The following MTMR3 variants were observed in gnomAD, a reference collection of about 807,000 sequenced individuals.
MTMR3 encodes the protein phosphatidylinositol-3,5-bisphosphate 3-phosphatase MTMR3.
A neutral mutation model predicts 132.4 loss-of-function variants in MTMR3; 32 were observed. The ratio of observed to expected loss-of-function variants is 0.24; its 90% CI spans 0.18 to 0.32. The LOEUF (loss-of-function observed/expected upper bound fraction) is 0.32, where lower values mean the gene tolerates loss of function less well. Ranked by LOEUF, MTMR3 falls within the 10% of genes least tolerant of loss-of-function variation. The probability of loss-of-function intolerance (pLI) is 1.00; values close to 1 mark genes in which losing one functional copy is unlikely to be tolerated. For synonymous variants in MTMR3, 556 were observed against 550.3 expected, an observed-to-expected ratio of 1.01 and a Z score of -0.14; for missense variants, 1,216 against 1,489.6, an observed-to-expected ratio of 0.82 and a Z score of 3.02.
At chr22:29,939,947 C>G (rs1395283411) in intron 1 of MTMR3, among the ~76,000 whole-genome samples, 1 of 152,200 alleles carries the variant, frequency 6.6e-6, no homozygotes, top group African/African-American at 2.4e-5. Context: ...AATACACCCT[C>G]CCCGCCCTTG....
At chr22:29,938,289 G>A (rs1180488356) in intron 1 of MTMR3, among the ~76,000 whole-genome samples, 1 of 152,166 alleles carries the variant, frequency 6.6e-6, no homozygotes, top group Non-Finnish European at 1.5e-5. Flanking sequence ...GTACCAACCC[G>A]CTTGGTACAA....
intron 1 of MTMR3, among the ~76,000 whole-genome samples, chr22:29,956,697 G>C (rs1372622430): frequency 6.6e-6 from 1 of 152,136 alleles, no homozygotes; most frequent in Non-Finnish European, 1.5e-5. Context: ...TAAAGTACCT[G>C]TTCCTGTATT....
intron 5 of MTMR3, chr22:29,982,711 T>C (rs1265114341): frequency 1.3e-5 from 2 of 152,202 alleles, no homozygotes; most frequent in Non-Finnish European, 2.9e-5. Flanking sequence ...TAGGTTTTGA[T>C]ACCGTAAACA....
chr22:29,927,090 G>C (rs2065532188), intron 1 of MTMR3, among the ~76,000 whole-genome samples: 1 of 152,168 alleles, frequency 6.6e-6, no homozygotes, highest in South Asian at 2.1e-4. Flanking sequence ...GTTGAAAACT[G>C]TTCTTTCCTC....
chr22:29,914,646 G>C (rs1009695975), intron 1 of MTMR3, among the ~76,000 whole-genome samples: 1 of 151,676 alleles, frequency 6.6e-6, no homozygotes, highest in South Asian at 2.1e-4. Flanking sequence ...CTTTTTAAAA[G>C]CCTATCTAAG....
chr22:30,022,134 A>T lies in MTMR3; in HGVS notation c.3331A>T (p.Thr1111Ser). ...ASWEQVDKQDTEMTRWLPDHL... is the reference protein window; with the variant it reads ...ASWEQVDKQDSEMTRWLPDHL... ...CTGGGAGCAGGTGGATAAACAGGAC[A>T]CAGAGGTACAGGCTCAGCCCCTGCT... Residue 1111 changes from threonine to serine, a missense_variant, in exon 18 of 20, where the codon ACA becomes TCA. Physicochemically the swap from Thr to Ser is moderately conservative, Grantham distance 58. Transcript: ENST00000401950. The T allele has an allele frequency of 6.2e-7, 1 of 1,610,936 alleles. No individual in the cohort carries two copies. Among genetic ancestry groups the T allele is most frequent in the Non-Finnish European group, 8.5e-7 (1 of 1,177,076 alleles).
intron 1 of MTMR3, among the ~76,000 whole-genome samples, chr22:29,948,057 A>G (rs927093456): frequency 1.8e-4 from 28 of 152,210 alleles, no homozygotes; most frequent in Non-Finnish European, 2.6e-4. Context: ...CCTAAATGCC[A>G]GAATACAAAT....
At chr22:29,919,790 A>G (rs990795051) in intron 1 of MTMR3, among the ~76,000 whole-genome samples, 17 of 152,070 alleles carry the variant, frequency 1.1e-4, no homozygotes, top group Admixed American at 4.6e-4. Flanking sequence ...ACCTTCCCAT[A>G]GTGTTGGGAT....
At chr22:29,966,726 CGT>C (rs55960706) in intron 2 of MTMR3, among the ~76,000 whole-genome samples, 12,768 of 142,716 alleles carry the variant, frequency 0.089, 565 homozygotes, top group East Asian at 0.16. Context: ...TAGGGGTGTG[CGT>C]GTGTGTGTGT....
chr22:29,937,031 A>C (rs541677737), intron 1 of MTMR3, among the ~76,000 whole-genome samples: 40 of 152,188 alleles, frequency 2.6e-4, no homozygotes, highest in Admixed American at 3.9e-4. Context: ...TTTTTTGTCA[A>C]GCACCCCCCT....
intron 12 of MTMR3, chr22:30,011,947 T>C (rs2067441258): frequency 6.4e-6 from 1 of 156,114 alleles, no homozygotes. Flanking sequence ...TTTCTTTTCT[T>C]TTTTTTTTGA....
At chr22:30,004,539 G>A (rs952626790) in intron 9 of MTMR3, 1 of 152,052 alleles carries the variant, frequency 6.6e-6, no homozygotes, top group Non-Finnish European at 1.5e-5. Flanking sequence ...TGCACCCTAG[G>A]TTTTCCCCCC....
intron 1 of MTMR3, among the ~76,000 whole-genome samples, chr22:29,919,958 A>C (rs2065377936): frequency 6.6e-6 from 1 of 152,236 alleles, no homozygotes. Context: ...ATTAAGATTT[A>C]GGTTCCCAGC....
At chr22:29,997,077 A>C (rs940698139) in intron 7 of MTMR3, 2 of 152,212 alleles carry the variant, frequency 1.3e-5, no homozygotes, top group Non-Finnish European at 2.9e-5. Flanking sequence ...ATTTGTAGAC[A>C]GATGGCACCC....
At chr22:29,904,825 TG>T (rs1339529926) in intron 1 of MTMR3, among the ~76,000 whole-genome samples, 1 of 83,164 alleles carries the variant, frequency 1.2e-5, no homozygotes, top group East Asian at 2.4e-4. Flanking sequence ...GTGTGTTGTG[TG>T]TGTGTGTGTG....
chr22:30,020,976 C>T, intron 17 of MTMR3, 92 bp downstream of exon 17: 1 of 1,281,774 alleles, frequency 7.8e-7, no homozygotes, highest in Non-Finnish European at 1.1e-6. Flanking sequence ...GTGATTGGTA[C>T]AGGTTGTTAA....
At chr22:29,957,649 C>T (rs1023863721) in intron 2 of MTMR3, among the ~76,000 whole-genome samples, 3 of 151,936 alleles carry the variant, frequency 2.0e-5, no homozygotes, top group Admixed American at 6.6e-5. Context: ...GACAGGATCT[C>T]GTTCTGTTGC....
chr22:29,931,797 T>TTTA (rs56147811), intron 1 of MTMR3, among the ~76,000 whole-genome samples: 3 of 151,012 alleles, frequency 2.0e-5, no homozygotes, highest in Non-Finnish European at 4.4e-5. Flanking sequence ...TTTTTTTTTT[T>TTTA]AAAGCAGATT....
intron 1 of MTMR3, among the ~76,000 whole-genome samples, chr22:29,936,226 A>G (rs1185418449): frequency 6.6e-6 from 1 of 152,198 alleles, no homozygotes; most frequent in Non-Finnish European, 1.5e-5. Flanking sequence ...TATAGTATTG[A>G]ACTGTAACCC....
Sources: allele counts gnomAD v4.1 joint callset (sites outside exome capture counted in the v4.1 genomes callset), GRCh38; gene constraint gnomAD v4.1.1; transcripts MANE v1.5; gene names NCBI Gene and HGNC (gene_info 2026-07-23, HGNC 2026-07-21).